PRPF8: variants seen among roughly 807,000 people sequenced by gnomAD.
PRPF8 encodes the protein pre-mRNA-processing-splicing factor 8.
In PRPF8, 64 loss-of-function variants were observed where a neutral mutation model predicts 285.9. The ratio of observed to expected loss-of-function variants is 0.22; its 90% CI spans 0.18 to 0.28. The LOEUF is 0.28. Among genes scored for constraint, PRPF8 ranks in the 10% least tolerant of loss-of-function variants. PRPF8 has a pLI of 1.00. For synonymous variants in PRPF8, 1,325 were observed against 1,118.2 expected (o/e 1.18, Z -3.69); for missense variants, 1,426 against 3,026.7 (o/e 0.47, Z 12.41).
At position 1,677,686 on chromosome 17, in the gene PRPF8, T is replaced by G; in HGVS notation, c.1863A>C (p.Val621=). 6.2e-7 allele frequency: 1 copy of G among 1,613,864 alleles called. No homozygotes were observed. Among genetic ancestry groups the G allele is most frequent in the Admixed American group, 1.7e-5 (1 of 59,984 alleles). Residue 621 remains valine, a synonymous_variant, in exon 14 of 43, where the codon GTA becomes GTC. Transcript: ENST00000304992. ...LIYYRFNTGP[V]GKGPGCGFWA... The stretch of plus-strand genomic sequence containing the variant: ...AGAAGCCACAGCCAGGACCCTTCCC[T>G]ACAGGGCCCTACGATCCCAAGCAGA...
chr17:1,676,854 T>C lies in PRPF8; in HGVS notation c.2181+122A>G. 1 of 1,485,692 alleles carries C rather than the reference T, an allele frequency of 6.7e-7. No individual in the cohort carries two copies. The highest frequency in any genetic ancestry group is 9.3e-7 in the Non-Finnish European group (1 of 1,074,950). 92.0% of individuals were successfully genotyped at this position (1,485,692 alleles called of 1,614,324 possible). A position where few individuals can be genotyped will look rare whatever the true frequency, so the allele number is the denominator to read the frequency against. ...AGCCTAAGCAACATGGTGCTTCTTT[T>C]CCCTGTCTAAAAGGGAAAAGAAAAG... On this transcript the variant is annotated intron_variant, in intron 15 of 42. Coordinates refer to ENST00000304992, the MANE Select transcript of PRPF8 (RefSeq NM_006445.4). This position sits in a 1 kb window ranked among gnomAD's most constrained non-coding sequence, Gnocchi z 6.3.
Position 1,679,602 on chromosome 17 carries a change from A to G in PRPF8, c.1289+7T>C, listed in dbSNP as rs1912796499. ...ATCATTCCCCCTGCCACAGGGAAAA[A>G]CCTTACCAGTTCTTGACAAGGGGTA... On this transcript the variant is annotated splice_region_variant and intron_variant, in intron 9 of 42. Transcript: ENST00000304992. The surrounding 1 kb of genome is among the most constrained non-coding windows in gnomAD (Gnocchi z 4.7). 3 of 1,613,020 alleles carry G rather than the reference A, an allele frequency of 1.9e-6. No individual in the cohort carries two copies. Among genetic ancestry groups the G allele is most frequent in the Non-Finnish European group, 2.5e-6 (3 of 1,179,900 alleles).
At chr17:1,671,690 A>G (rs1912327535) in intron 24 of PRPF8, among the ~76,000 whole-genome samples, 2 of 151,904 alleles carry the variant, frequency 1.3e-5, no homozygotes, top group Non-Finnish European at 2.9e-5. Context: ...TCTCTACCAA[A>G]AATACAAAAA....
At chr17:1,671,708 G>A (rs368762159) in intron 24 of PRPF8, among the ~76,000 whole-genome samples, 2 of 151,960 alleles carry the variant, frequency 1.3e-5, no homozygotes, top group Admixed American at 6.6e-5. Flanking sequence ...AAACTTAGCC[G>A]GGCGTGGTGG....
intron 28 of PRPF8, 67 bp downstream of exon 28, chr17:1,660,924 TCA>T: frequency 6.2e-7 from 1 of 1,612,416 alleles, no homozygotes. Flanking sequence ...CCACAGGAAA[TCA>T]CAGAGGCATA....
chr17:1,653,578 A>G lies in PRPF8; in HGVS notation c.6333T>C (p.Leu2111=). ...GGTCAGATATGCAGATGAACTTCTTAAGCACATTCTTGGGAAGGATGTAGG... is the reference window on the plus strand; with the variant it reads ...GGTCAGATATGCAGATGAACTTCTTGAGCACATTCTTGGGAAGGATGTAGG... ...GYTYILPKNV[L]KKFICISDLR... Residue 2111 remains leucine, a synonymous_variant, in exon 39 of 43, where the codon CTT becomes CTC. Coordinates refer to ENST00000304992, the MANE Select transcript of PRPF8 (RefSeq NM_006445.4). The surrounding 1 kb of genome is among the most constrained non-coding windows in gnomAD (Gnocchi z 4.9). 1 of 1,614,202 alleles carries G rather than the reference A, an allele frequency of 6.2e-7. No homozygotes were observed. Among genetic ancestry groups the G allele is most frequent in the Non-Finnish European group, 8.5e-7 (1 of 1,180,032 alleles).
rs1488858172 is a variant in PRPF8, at chr17:1,653,820, A to G, written c.6184T>C (p.Tyr2062His). The G allele has an allele frequency of 6.2e-7, 1 of 1,614,046 alleles. No homozygotes were observed. The highest frequency in any genetic ancestry group is 8.5e-7 in the Non-Finnish European group (1 of 1,180,010). Reference protein sequence around the residue: ...DEIITSTTSNYETQTFSSKTE... With the variant: ...DEIITSTTSNHETQTFSSKTE... Reference sequence around the variant, plus strand: ...TTGGATGAGAAAGTCTGGGTCTCATAGTTGCTGGTGGTGGAGGTGATGATC... The same window carrying G: ...TTGGATGAGAAAGTCTGGGTCTCATGGTTGCTGGTGGTGGAGGTGATGATC... Residue 2062 changes from tyrosine (Y) to histidine (H), a missense_variant, in exon 38 of 43, where the codon TAT becomes CAT. Tyr to His is a moderately conservative substitution (Grantham distance 83). Coordinates refer to ENST00000304992, the MANE Select transcript of PRPF8 (RefSeq NM_006445.4). The surrounding 1 kb of genome is among the most constrained non-coding windows in gnomAD (Gnocchi z 4.9).
In PRPF8 at chr17:1,676,941, TG is replaced by T; in HGVS notation, c.2181+34del. The stretch of plus-strand genomic sequence containing the variant: ...GTGGTAATCCTACCCTAAAGACGGA[TG>T]TTTACGCCTCCAAGGAAATAAAGAG... On this transcript the variant is annotated intron_variant, in intron 15 of 42. Coordinates refer to ENST00000304992, the MANE Select transcript of PRPF8 (RefSeq NM_006445.4). This position sits in a 1 kb window ranked among gnomAD's most constrained non-coding sequence, Gnocchi z 6.3. 6.2e-7 allele frequency: 1 copy of T among 1,609,884 alleles called. No homozygotes were observed. Among genetic ancestry groups the T allele is most frequent in the Non-Finnish European group, 8.5e-7 (1 of 1,178,386 alleles).
chr17:1,679,515 AAG>A lies in PRPF8; in HGVS notation c.1289+92_1289+93del. 1 of 1,588,860 alleles carries A rather than the reference AAG, an allele frequency of 6.3e-7. No homozygotes were observed. The highest frequency in any genetic ancestry group is 8.5e-7 in the Non-Finnish European group (1 of 1,171,234). On this transcript the variant is annotated intron_variant, in intron 9 of 42. Coordinates refer to ENST00000304992, the MANE Select transcript of PRPF8 (RefSeq NM_006445.4). This position sits in a 1 kb window ranked among gnomAD's most constrained non-coding sequence, Gnocchi z 4.7. ...ACCATTTTTATGGGAAAAAAAAAAA[AAG>A]AATTTAAAAAAAAGGCTACATGCCC... is the stretch of plus-strand genomic sequence containing the variant.
At position 1,661,889 on chromosome 17, in the gene PRPF8, G is replaced by A. The variant is rs184237339; in HGVS notation, c.4022+17C>T. 7.4e-6 allele frequency: 12 copies of A among 1,614,156 alleles called. No homozygotes were observed. Among genetic ancestry groups the A allele is most frequent in the East Asian group, 4.5e-5 (2 of 44,884 alleles). On this transcript the variant is annotated intron_variant, in intron 25 of 42. Coordinates refer to ENST00000304992, the MANE Select transcript of PRPF8 (RefSeq NM_006445.4). The surrounding 1 kb of genome is among the most constrained non-coding windows in gnomAD (Gnocchi z 7.3). ...CCTGAGCAATAGGGTTTAGAAATAC[G>A]TTGAACCAGGCTGTACCTGAGGTCG...
chr17:1,680,649 G>A (rs1013347041), intron 8 of PRPF8, 77 bp downstream of exon 8: 6 of 1,309,980 alleles, frequency 4.6e-6, no homozygotes, highest in Admixed American at 1.7e-5. Context: ...CCCTCCACCT[G>A]AGCGTTTAGT....
rs1911093338 is a variant in PRPF8, at chr17:1,651,881, C to T, written c.6370-93G>A. On this transcript the variant is annotated intron_variant, in intron 39 of 42. Transcript: ENST00000304992. The surrounding 1 kb of genome is among the most constrained non-coding windows in gnomAD (Gnocchi z 5.1). ...TCTGTTTCCTTCCTTCCCCCAAGAA[C>T]GAGGACAGAGTTTCTTAAAACGTGA... is the stretch of plus-strand genomic sequence containing the variant. 15 of 1,491,534 alleles carry T rather than the reference C, an allele frequency of 1.0e-5. No individual in the cohort carries two copies. The Admixed American group carries it at 1.2e-4, about 12-fold the overall frequency. The allele number at this position is 1,491,534 out of a possible 1,614,324, so 92.4% of individuals were successfully genotyped here. A position where few individuals can be genotyped will look rare whatever the true frequency, so the allele number is the denominator to read the frequency against.
At position 1,654,010 on chromosome 17, in the gene PRPF8, G is replaced by A. The variant is rs369259892; in HGVS notation, c.5994C>T (p.Asn1998=). The A allele has an allele frequency of 6.2e-6, 10 of 1,614,180 alleles. No homozygotes were observed. The highest frequency in any genetic ancestry group is 2.2e-5 in the East Asian group (1 of 44,884). ...LADYGKKNNV[N]VASLTQSEIR... Reference sequence around the variant, plus strand: ...TTTCTGATTGTGTCAGTGATGCCACGTTCACACTGTGGGGATGGTGTGGGT... The same window carrying A: ...TTTCTGATTGTGTCAGTGATGCCACATTCACACTGTGGGGATGGTGTGGGT... The change falls in exon 38 of 43, where the codon AAC becomes AAT. Residue 1998 remains asparagine (N), a synonymous_variant. Transcript: ENST00000304992.
At chr17:1,654,155 A>C in intron 37 of PRPF8, 139 bp from the exon 38 acceptor site, 1 of 1,328,340 alleles carries the variant, frequency 7.5e-7, no homozygotes, top group South Asian at 1.2e-5. Flanking sequence ...CTTCTACAGG[A>C]AGTGTGAAAC....
intron 37 of PRPF8, 77 bp downstream of exon 37, chr17:1,655,273 T>G: frequency 1.3e-6 from 2 of 1,552,458 alleles, no homozygotes; most frequent in Non-Finnish European, 1.8e-6. Context: ...GAGAAACTTC[T>G]AAGCCTAAGT....
chr17:1,659,544 C>T lies in PRPF8; in HGVS notation c.4951G>A (p.Val1651Met). ...TTCTGGGTGGTGGTGCTGTCCATCA[C>T]ATCCCTGAGGATGAAGAGGGTTCAA... ...RPSLLADSKD[V>M]MDSTTTQKYW... is the part of the protein sequence containing the mutation. Residue 1651 changes from valine (V) to methionine (M), a missense_variant, in exon 32 of 43, where the codon GTG becomes ATG. Val to Met is a conservative substitution (Grantham distance 21, BLOSUM62 1). Coordinates refer to ENST00000304992, the MANE Select transcript of PRPF8 (RefSeq NM_006445.4). This position sits in a 1 kb window ranked among gnomAD's most constrained non-coding sequence, Gnocchi z 5.1. The T allele has an allele frequency of 6.2e-7, 1 of 1,614,034 alleles. No individual in the cohort carries two copies. The highest frequency in any genetic ancestry group is 8.5e-7 in the Non-Finnish European group (1 of 1,180,032).
chr17:1,684,047 C>G (rs1172255180), intron 2 of PRPF8, among the ~76,000 whole-genome samples: 2 of 151,986 alleles, frequency 1.3e-5, no homozygotes, highest in Non-Finnish European at 2.9e-5. Context: ...CCACCACACA[C>G]GACTCATTTT....
intron 4 of PRPF8, 31 bp downstream of exon 4, chr17:1,682,098 C>G: frequency 6.2e-7 from 1 of 1,613,622 alleles, no homozygotes; most frequent in South Asian, 1.1e-5. Context: ...ACCACCACCA[C>G]CACCACCCAC....
chr17:1,679,946 C>G lies in PRPF8; in HGVS notation c.1099-147G>C, dbSNP rs1411436827. 1 of 904,308 alleles carries G rather than the reference C, an allele frequency of 1.1e-6. No individual in the cohort carries two copies. The highest frequency in any genetic ancestry group is 2.5e-5 in the East Asian group (1 of 39,856). 56.0% of individuals were successfully genotyped at this position (904,308 alleles called of 1,614,324 possible). A position where few individuals can be genotyped will look rare whatever the true frequency, so the allele number is the denominator to read the frequency against. ...CAAAAGCAGCCCTGAAGTGCCAGCA[C>G]AAAGGAAACCAAGACAGCAAAGAAC... On this transcript the variant is annotated intron_variant, in intron 8 of 42. Coordinates refer to ENST00000304992, the MANE Select transcript of PRPF8 (RefSeq NM_006445.4). The surrounding 1 kb of genome is among the most constrained non-coding windows in gnomAD (Gnocchi z 4.7).
Sources: gnomAD v4.1 joint callset for allele counts (sites outside exome capture counted in the v4.1 genomes callset) on GRCh38, gnomAD v4.1.1 for gene constraint, Gnocchi (gnomAD v3.1) non-coding constraint, MANE v1.5 for transcripts, NCBI Gene and HGNC (gene_info 2026-07-23, HGNC 2026-07-21) for gene names.